Variants in ST6GALNAC3 observed in about 807,000 individuals in gnomAD.
ST6GALNAC3 encodes the protein alpha-N-acetylgalactosaminide alpha-2,6-sialyltransferase 3.
A neutral mutation model predicts 32.7 loss-of-function variants in ST6GALNAC3; 25 were observed. The ratio of observed to expected loss-of-function variants is 0.76; its 90% CI spans 0.56 to 1.07. The LOEUF (loss-of-function observed/expected upper bound fraction) is 1.07. ST6GALNAC3 is among the 50% of genes least tolerant of loss of function. The pLI is 0.00. For missense variants in ST6GALNAC3, 355 were observed against 382.4 expected (o/e 0.93, Z 0.60); for synonymous variants, 129 against 133.1 (o/e 0.97, Z 0.21).
intron 2 of ST6GALNAC3, among the ~76,000 whole-genome samples, chr1:76,328,340 G>A (rs1160748307): frequency 1.3e-5 from 2 of 152,060 alleles, no homozygotes; most frequent in African/African-American, 4.8e-5. Flanking sequence ...TTTACTTTCT[G>A]GCATGAGCTA....
At chr1:76,418,381 G>A (rs1267143412) in intron 3 of ST6GALNAC3, among the ~76,000 whole-genome samples, 2 of 152,050 alleles carry the variant, frequency 1.3e-5, no homozygotes, top group Non-Finnish European at 2.9e-5. Context: ...GTAGCTTGAA[G>A]GTGGAGGGCA....
rs1661729542 is a variant in ST6GALNAC3 at position 76,509,831 on chromosome 1, GACCCCCA to G, written c.623+97415_623+97421del. ...GCTGTTTCTCTATTTCTCTTTTAAG[GACCCCCA>G]TGGTTACATTGGGCCAGAATAATCC... On this transcript the variant is annotated intron_variant, in intron 3 of 4. Transcript: ENST00000328299. This position sits in a 1 kb window ranked among gnomAD's most constrained non-coding sequence, Gnocchi z 5.5. 6.6e-6 allele frequency among the ~76,000 whole-genome samples: 1 copy of G among 151,854 alleles called. No individual in the cohort carries two copies. The highest frequency in any genetic ancestry group is 1.5e-5 in the Non-Finnish European group (1 of 67,994).
intron 2 of ST6GALNAC3, among the ~76,000 whole-genome samples, chr1:76,410,181 G>GGAA (rs1260171992): frequency 2.0e-5 from 3 of 152,094 alleles, no homozygotes; most frequent in African/African-American, 7.2e-5. Context: ...AAGACCCCAA[G>GGAA]TGATTTCTCC....
chr1:76,350,760 G>A (rs911548089), intron 2 of ST6GALNAC3, among the ~76,000 whole-genome samples: 6 of 152,092 alleles, frequency 3.9e-5, no homozygotes, highest in Non-Finnish European at 7.4e-5. Flanking sequence ...TGTAATATTA[G>A]TACTGTAATG....
At chr1:76,171,988 A>T (rs1652545478) in intron 1 of ST6GALNAC3, among the ~76,000 whole-genome samples, 2 of 152,154 alleles carry the variant, frequency 1.3e-5, no homozygotes, top group Non-Finnish European at 2.9e-5. Context: ...CATTTTATGA[A>T]GCCAGTGTCA....
intron 3 of ST6GALNAC3, among the ~76,000 whole-genome samples, chr1:76,472,367 C>A (rs1234752605): frequency 6.6e-6 from 1 of 151,882 alleles, no homozygotes; most frequent in East Asian, 1.9e-4. Context: ...ACTTTTCAAC[C>A]AAGTTAGATG....
At chr1:76,517,838 T>G (rs1662265812) in intron 3 of ST6GALNAC3, among the ~76,000 whole-genome samples, 1 of 152,002 alleles carries the variant, frequency 6.6e-6, no homozygotes, top group African/African-American at 2.4e-5. Context: ...ATTGGAGAGT[T>G]TTCTTGTCGT....
At chr1:76,200,344 GAA>G (rs1654446817) in intron 1 of ST6GALNAC3, among the ~76,000 whole-genome samples, 1 of 152,198 alleles carries the variant, frequency 6.6e-6, no homozygotes, top group Non-Finnish European at 1.5e-5. Flanking sequence ...GCAACAGAGA[GAA>G]AGAATTCCCA....
chr1:76,459,863 A>G (rs1658159386), intron 3 of ST6GALNAC3, among the ~76,000 whole-genome samples: 1 of 152,218 alleles, frequency 6.6e-6, no homozygotes, highest in South Asian at 2.1e-4. Context: ...TTGTATGGAT[A>G]TAACTCATTT....
intron 2 of ST6GALNAC3, among the ~76,000 whole-genome samples, chr1:76,383,500 A>G (rs4642944): frequency 0.99 from 147,475 of 149,520 alleles, 72,770 homozygotes; most frequent in Middle Eastern, 1. Flanking sequence ...TGGTCTTGAC[A>G]GGCTCAAACA....
intron 3 of ST6GALNAC3, among the ~76,000 whole-genome samples, chr1:76,615,080 G>A (rs371675473): frequency 3.1e-4 from 47 of 152,118 alleles, no homozygotes; most frequent in African/African-American, 1.1e-3. Context: ...ATGATGCAGG[G>A]GGCTAGAATA....
At chr1:76,390,943 T>C (rs969303637) in intron 2 of ST6GALNAC3, among the ~76,000 whole-genome samples, 3 of 55,208 alleles carry the variant, frequency 5.4e-5, no homozygotes, top group Non-Finnish European at 1.4e-4. Context: ...TATATATATA[T>C]GTATTTTTTT....
In ST6GALNAC3 at chr1:76,629,002, A is replaced by C; in HGVS notation, c.*196A>C. ...CATTTCATGGAGGATGGTTGTGCTC[A>C]TGATGTTCTTTCTGGAGGTTCAACA... On this transcript the variant is annotated 3_prime_UTR_variant, in exon 5 of 5. Coordinates refer to ENST00000328299, the MANE Select transcript of ST6GALNAC3 (RefSeq NM_152996.4). 7.2e-7 allele frequency: 1 copy of C among 1,387,662 alleles called. No individual in the cohort carries two copies. Among genetic ancestry groups the C allele is most frequent in the South Asian group, 1.7e-5 (1 of 59,014 alleles). 86.0% of individuals were successfully genotyped at this position (1,387,662 alleles called of 1,614,324 possible). A position where few individuals can be genotyped will look rare whatever the true frequency, so the allele number is the denominator to read the frequency against.
intron 3 of ST6GALNAC3, among the ~76,000 whole-genome samples, chr1:76,578,526 TG>T (rs1054543880): frequency 3.9e-5 from 6 of 152,050 alleles, no homozygotes; most frequent in African/African-American, 1.4e-4. Context: ...CTTGATTTGT[TG>T]GATTGGAGAA....
At chr1:76,103,412 T>G (rs1435794872) in intron 1 of ST6GALNAC3, among the ~76,000 whole-genome samples, 1 of 152,238 alleles carries the variant, frequency 6.6e-6, no homozygotes, top group Non-Finnish European at 1.5e-5. Flanking sequence ...CTATACTTTA[T>G]TCTAGTTATT....
At chr1:76,472,575 C>T (rs1026742507) in intron 3 of ST6GALNAC3, among the ~76,000 whole-genome samples, 2 of 152,110 alleles carry the variant, frequency 1.3e-5, no homozygotes, top group African/African-American at 2.4e-5. Context: ...TCACTAGCTG[C>T]TGACAATAGG....
chr1:76,543,553 G>A (rs957453833), intron 3 of ST6GALNAC3, among the ~76,000 whole-genome samples: 8 of 152,106 alleles, frequency 5.3e-5, no homozygotes, highest in East Asian at 1.9e-4. Flanking sequence ...TATGGGTGCC[G>A]TGTTTCTTCA....
intron 3 of ST6GALNAC3, among the ~76,000 whole-genome samples, chr1:76,448,978 A>G (rs1657187109): frequency 6.6e-6 from 1 of 152,028 alleles, no homozygotes; most frequent in African/African-American, 2.4e-5. Flanking sequence ...TTGTGGCACC[A>G]TGCTTGGCTA....
intron 2 of ST6GALNAC3, among the ~76,000 whole-genome samples, chr1:76,393,130 G>A (rs1395679908): frequency 1.3e-5 from 2 of 152,160 alleles, no homozygotes; most frequent in Non-Finnish European, 2.9e-5. Flanking sequence ...GAAATCTATT[G>A]TGAAGTTAAT....
Sources: gnomAD v4.1 joint callset for allele counts (sites outside exome capture counted in the v4.1 genomes callset) on GRCh38, gnomAD v4.1.1 for gene constraint, Gnocchi (gnomAD v3.1) non-coding constraint, MANE v1.5 for transcripts, NCBI Gene and HGNC (gene_info 2026-07-23, HGNC 2026-07-21) for gene names.